Variants in TMEM135 observed in about 807,000 individuals in gnomAD.
TMEM135 encodes the protein peroxisomal membrane protein 52.
In TMEM135, 30 loss-of-function variants were observed where a neutral mutation model predicts 60.3. The observed-to-expected ratio is 0.50, with a 90% CI of 0.37 to 0.68. The LOEUF is 0.68. TMEM135 is among the 30% of genes least tolerant of loss of function. The pLI, the probability that TMEM135 is intolerant of heterozygous loss-of-function variation, is 0.00. For synonymous variants in TMEM135, 190 were observed against 186.7 expected, an observed-to-expected ratio of 1.02 and a Z score of -0.14; for missense variants, 468 against 548.8, an observed-to-expected ratio of 0.85 and a Z score of 1.47.
intron 1 of TMEM135, among the ~76,000 whole-genome samples, chr11:87,049,443 T>C (rs1371315802): frequency 2.9e-5 from 3 of 102,740 alleles, no homozygotes; most frequent in African/African-American, 1.3e-4. Context: ...GAGACACACA[T>C]AGGCTCAAAA....
intron 5 of TMEM135, among the ~76,000 whole-genome samples, chr11:87,194,584 C>G (rs1422045086): frequency 1.3e-5 from 2 of 151,982 alleles, no homozygotes; most frequent in South Asian, 4.1e-4. Flanking sequence ...CAGTGGAAAA[C>G]TTGGTTATCA....
chr11:87,277,666 C>T (rs1244799651), intron 6 of TMEM135, among the ~76,000 whole-genome samples: 13 of 151,102 alleles, frequency 8.6e-5, no homozygotes, highest in Admixed American at 7.3e-4. Flanking sequence ...GGATTACAGG[C>T]GCCCACCACC....
At chr11:87,247,165 C>T (rs573817521) in intron 6 of TMEM135, among the ~76,000 whole-genome samples, 38 of 151,894 alleles carry the variant, frequency 2.5e-4, no homozygotes, top group Admixed American at 9.2e-4. Flanking sequence ...TGCAGAAGAG[C>T]GGATTTTTGT....
chr11:87,116,829 GT>G (rs954106382), intron 4 of TMEM135, among the ~76,000 whole-genome samples: 20 of 144,370 alleles, frequency 1.4e-4, no homozygotes, highest in Admixed American at 1.4e-4. Flanking sequence ...ATTATGGTTT[GT>G]TTTTTTTTTT....
At chr11:87,227,375 G>A (rs1591119687) in intron 5 of TMEM135, among the ~76,000 whole-genome samples, 1 of 152,012 alleles carries the variant, frequency 6.6e-6, no homozygotes, top group African/African-American at 2.4e-5. Context: ...AAGAATTACA[G>A]TGATTTCATC....
At chr11:87,078,626 T>G (rs1421581793) in intron 3 of TMEM135, among the ~76,000 whole-genome samples, 2 of 152,150 alleles carry the variant, frequency 1.3e-5, no homozygotes, top group African/African-American at 4.8e-5. Flanking sequence ...TATTTGTTTG[T>G]TTTTTTGTGA....
intron 6 of TMEM135, among the ~76,000 whole-genome samples, chr11:87,268,154 A>C (rs368268302): frequency 7.1e-5 from 5 of 70,354 alleles, no homozygotes; most frequent in Non-Finnish European, 1.5e-4. Flanking sequence ...CCTTTCCTTT[A>C]TTTCCTTTCC....
At chr11:87,091,314 A>G (rs762125357) in intron 3 of TMEM135, 48 bp from the exon 4 acceptor site, 30 of 1,506,002 alleles carry the variant, frequency 2.0e-5, no homozygotes, top group Non-Finnish European at 2.8e-5. Flanking sequence ...TAAAGTGATT[A>G]CTAAGTCAAA....
At chr11:87,117,386 G>A (rs193298512) in intron 4 of TMEM135, among the ~76,000 whole-genome samples, 5 of 152,268 alleles carry the variant, frequency 3.3e-5, no homozygotes, top group Admixed American at 6.5e-5. Flanking sequence ...CTGTTTGATA[G>A]CATTTCATCC....
intron 1 of TMEM135, among the ~76,000 whole-genome samples, chr11:87,042,166 G>A (rs893476080): frequency 3.3e-5 from 5 of 152,358 alleles, no homozygotes; most frequent in East Asian, 1.9e-4. Flanking sequence ...TAGGTTCAAC[G>A]AAGTATAGAC....
chr11:87,291,270 T>TG (rs36013332), intron 6 of TMEM135, among the ~76,000 whole-genome samples: 95,710 of 151,858 alleles, frequency 0.63, 30,440 homozygotes, highest in Non-Finnish European at 0.67. Context: ...CTGTTTGTGC[T>TG]TAGTATTCCC....
At chr11:87,152,017 T>C (rs376543941) in intron 4 of TMEM135, among the ~76,000 whole-genome samples, 1 of 152,232 alleles carries the variant, frequency 6.6e-6, no homozygotes, top group Admixed American at 6.5e-5. Flanking sequence ...AACTCCTTTT[T>C]AGACTGCTTT....
At chr11:87,115,720 T>G (rs1182928736) in intron 4 of TMEM135, among the ~76,000 whole-genome samples, 1 of 152,096 alleles carries the variant, frequency 6.6e-6, no homozygotes, top group African/African-American at 2.4e-5. Flanking sequence ...ACTTATAACA[T>G]CAACATTTTT....
At chr11:87,054,017 A>G (rs1005933936) in intron 1 of TMEM135, among the ~76,000 whole-genome samples, 1 of 152,236 alleles carries the variant, frequency 6.6e-6, no homozygotes, top group Non-Finnish European at 1.5e-5. Context: ...TCAAGTTAGT[A>G]TGGTGAATTG....
chr11:87,086,967 T>A (rs1857109339), intron 3 of TMEM135, among the ~76,000 whole-genome samples: 1 of 152,096 alleles, frequency 6.6e-6, no homozygotes, highest in South Asian at 2.1e-4. Context: ...CGATGACCAG[T>A]CTTAACTGCT....
intron 5 of TMEM135, among the ~76,000 whole-genome samples, chr11:87,168,016 C>T (rs894528181): frequency 1.3e-5 from 2 of 152,170 alleles, no homozygotes; most frequent in African/African-American, 4.8e-5. Flanking sequence ...AGGGATTCAA[C>T]TTCTTCCTGG....
intron 14 of TMEM135, among the ~76,000 whole-genome samples, chr11:87,320,608 G>C (rs1478736408): frequency 6.6e-6 from 1 of 152,108 alleles, no homozygotes; most frequent in Non-Finnish European, 1.5e-5. Flanking sequence ...AAATTTGTGT[G>C]TTTAAAAAAT....
At chr11:87,086,862 G>A (rs540724406) in intron 3 of TMEM135, among the ~76,000 whole-genome samples, 1 of 152,250 alleles carries the variant, frequency 6.6e-6, no homozygotes, top group Admixed American at 6.5e-5. Flanking sequence ...ATTTCACCAG[G>A]GACCCACCCC....
At chr11:87,152,089 A>G (rs1938571637) in intron 4 of TMEM135, among the ~76,000 whole-genome samples, 1 of 152,100 alleles carries the variant, frequency 6.6e-6, no homozygotes. Context: ...CTTTCTATTG[A>G]TGCTCCTAAT....
Sources: gnomAD v4.1 joint callset for allele counts (sites outside exome capture counted in the v4.1 genomes callset) on GRCh38, gnomAD v4.1.1 for gene constraint, MANE v1.5 for transcripts, NCBI Gene and HGNC (gene_info 2026-07-23, HGNC 2026-07-21) for gene names.